The following GAS2L3 variants were observed in gnomAD, a reference collection of about 807,000 sequenced individuals.
GAS2L3 encodes the protein GAS2-like protein 3.
In GAS2L3, 28 loss-of-function variants were observed where a neutral mutation model predicts 37.0. The observed-to-expected ratio is 0.76, with a 90% confidence interval of 0.56 to 1.04. The LOEUF is 1.04. Among genes scored for constraint, GAS2L3 ranks in the 50% least tolerant of loss-of-function variants. GAS2L3 has a pLI of 0.00. For missense variants in GAS2L3, 793 were observed against 817.6 expected, an observed-to-expected ratio of 0.97 and a Z score of 0.37; for synonymous variants, 290 against 296.6, an observed-to-expected ratio of 0.98 and a Z score of 0.23.
rs367687669 is a variant in GAS2L3, at chr12:100,622,393, T to A, written c.756+11T>A. On this transcript the variant is annotated intron_variant, in intron 9 of 9. Transcript: ENST00000547754. ...ATACTCTTTATAAGAGTAAGTCCAT[T>A]ATTTACACTTTATTTACACATAAAT... is the stretch of plus-strand genomic sequence containing the variant. The A allele has an allele frequency of 2.4e-6, 3 of 1,250,810 alleles. No individual in the cohort carries two copies. Among genetic ancestry groups the A allele is most frequent in the Middle Eastern group, 1.9e-4 (1 of 5,160 alleles). 77.5% of individuals were successfully genotyped at this position (1,250,810 alleles called of 1,614,324 possible). A position where few individuals can be genotyped will look rare whatever the true frequency, so the allele number is the denominator to read the frequency against.
In GAS2L3 at chr12:100,623,807, C is replaced by G; in HGVS notation, c.1002C>G (p.Ser334Arg). 2 of 1,614,006 alleles carry G rather than the reference C, an allele frequency of 1.2e-6. No individual in the cohort carries two copies. The highest frequency in any genetic ancestry group is 1.7e-6 in the Non-Finnish European group (2 of 1,179,964). ...NMFQKQNSKP[S>R]VPVSIPKSKE... ...TTCAGAAACAAAATTCAAAACCCAG[C>G]GTGCCAGTTAGTATTCCAAAAAGCA... The change falls in exon 10 of 10, where the codon AGC (serine) becomes AGG (arginine). Residue 334 changes from serine (S) to arginine (R), a missense_variant. Ser to Arg is a moderately radical substitution (Grantham distance 110, BLOSUM62 -1). Coordinates refer to ENST00000547754, the MANE Select transcript of GAS2L3 (RefSeq NM_174942.3).
rs182590738 is a variant in GAS2L3 at position 100,599,122 on chromosome 12, C to T, written c.19-1260C>T. Among the ~76,000 whole-genome samples, 4 of 152,260 alleles carry T rather than the reference C, an allele frequency of 2.6e-5. No homozygotes were observed. In the East Asian group the frequency reaches 7.7e-4, roughly 29 times the overall value. ...TGCTCTGACTCTCCATTCCAAGCCACCCCACTCTTGGAATCTCCTATGCGT... is the reference window on the plus strand; with the variant it reads ...TGCTCTGACTCTCCATTCCAAGCCATCCCACTCTTGGAATCTCCTATGCGT... On this transcript the variant is annotated intron_variant, in intron 3 of 9. Coordinates refer to ENST00000547754, the MANE Select transcript of GAS2L3 (RefSeq NM_174942.3).
rs1211052731 is a variant in GAS2L3 at position 100,628,029 on chromosome 12, A to G, written c.*3139A>G. 6.6e-6 allele frequency: 1 copy of G among 152,102 alleles called. No homozygotes were observed. Among genetic ancestry groups the G allele is most frequent in the Non-Finnish European group, 1.5e-5 (1 of 68,012 alleles). 9.4% of individuals were successfully genotyped at this position (152,102 alleles called of 1,614,324 possible). ...ACCTCTAACTTTACTGTCCATATGGAGTTTGTCATTCTTTATGGATAAGAG... is the reference window on the plus strand; with the variant it reads ...ACCTCTAACTTTACTGTCCATATGGGGTTTGTCATTCTTTATGGATAAGAG... On this transcript the variant is annotated 3_prime_UTR_variant, in exon 10 of 10. Coordinates refer to ENST00000547754, the MANE Select transcript of GAS2L3 (RefSeq NM_174942.3).
At position 100,618,464 on chromosome 12, in the gene GAS2L3, A is replaced by T; in HGVS notation, c.525A>T (p.Pro175=). 1 of 1,610,416 alleles carries T rather than the reference A, an allele frequency of 6.2e-7. No homozygotes were observed. The change falls in exon 8 of 10, where the codon CCA becomes CCT. Residue 175 remains proline (P), a synonymous_variant. Coordinates refer to ENST00000547754, the MANE Select transcript of GAS2L3 (RefSeq NM_174942.3). ...GRIVSRYGVE[P]PVLVKLEKEI... is the part of the protein sequence containing the mutation. The stretch of plus-strand genomic sequence containing the variant: ...TGGTTTTCAGATACGGGGTTGAGCC[A>T]CCAGTGTTAGTAAAACTTGAGAAAG...
chr12:100,595,317 T>C (rs551058767), intron 3 of GAS2L3, among the ~76,000 whole-genome samples: 2 of 151,948 alleles, frequency 1.3e-5, no homozygotes, highest in African/African-American at 2.4e-5. Flanking sequence ...AAAACAAATA[T>C]ATGTTTTTAA....
At chr12:100,583,046 C>G (rs1455930862) in intron 1 of GAS2L3, among the ~76,000 whole-genome samples, 1 of 152,104 alleles carries the variant, frequency 6.6e-6, no homozygotes, top group Non-Finnish European at 1.5e-5. Context: ...TTCTTTACCC[C>G]CAAGAGAGGG....
Position 100,624,421 on chromosome 12 carries a change from C to T in GAS2L3, c.1616C>T (p.Pro539Leu), listed in dbSNP as rs1228596591. The T allele has an allele frequency of 6.2e-7, 1 of 1,613,868 alleles. No homozygotes were observed. The highest frequency in any genetic ancestry group is 1.3e-5 in the African/African-American group (1 of 74,900). Residue 539 changes from proline (P) to leucine (L), a missense_variant, in exon 10 of 10, where the codon CCA becomes CTA. Transcript: ENST00000547754. ...IATGLGTQSQPSDGAPQAKPV... is the reference protein window; with the variant it reads ...IATGLGTQSQLSDGAPQAKPV... ...ACGGGTCTAGGAACACAGTCTCAACCATCCGATGGAGCCCCACAAGCAAAG... is the reference window on the plus strand; with the variant it reads ...ACGGGTCTAGGAACACAGTCTCAACTATCCGATGGAGCCCCACAAGCAAAG...
chr12:100,623,472 C>T (rs1379152344), intron 9 of GAS2L3, 90 bp from the exon 10 acceptor site: 1 of 1,179,382 alleles, frequency 8.5e-7, no homozygotes, highest in African/African-American at 1.5e-5. Context: ...TTTTATAGAT[C>T]ACAGACATCA....
chr12:100,585,820 A>G (rs1955774181), intron 1 of GAS2L3, among the ~76,000 whole-genome samples: 1 of 151,986 alleles, frequency 6.6e-6, no homozygotes, highest in African/African-American at 2.4e-5. Flanking sequence ...ATTGTTTGTC[A>G]CTGAACTACT....
At position 100,612,053 on chromosome 12, in the gene GAS2L3, C is replaced by T. The variant is rs752856856; in HGVS notation, c.357C>T (p.Phe119=). ...PCKKDAASGS[F]FARDNTANFL... is the part of the protein sequence containing the mutation. The stretch of plus-strand genomic sequence containing the variant: ...AGAAAGATGCTGCATCAGGTTCATT[C>T]TTTGCTCGGGACAATACCGCAAACT... The change falls in exon 6 of 10, where the codon TTC becomes TTT. Residue 119 remains phenylalanine (F), a synonymous_variant. Transcript: ENST00000547754. The T allele has an allele frequency of 6.8e-6, 11 of 1,611,294 alleles. No homozygotes were observed. The South Asian group carries it at 1.1e-4, about 16-fold the overall frequency.
At chr12:100,578,458 C>A (rs1025834691) in intron 1 of GAS2L3, 2 of 155,926 alleles carry the variant, frequency 1.3e-5, no homozygotes, top group African/African-American at 2.4e-5. Flanking sequence ...GTAGGTTTAA[C>A]CTATCAGTTT....
Position 100,627,841 on chromosome 12 carries a change from C to CA in GAS2L3, c.*2958dup, listed in dbSNP as rs1565818722. On this transcript the variant is annotated 3_prime_UTR_variant, in exon 10 of 10. Coordinates refer to ENST00000547754, the MANE Select transcript of GAS2L3 (RefSeq NM_174942.3). ...TGGGAGAAGTAATGATGTGTACTTTCAAAAAAATGGAAAATGCTTTTATTT... is the reference window on the plus strand; with the variant it reads ...TGGGAGAAGTAATGATGTGTACTTTCAAAAAAAATGGAAAATGCTTTTATTT... 6.6e-6 allele frequency: 1 copy of CA among 151,884 alleles called. No homozygotes were observed. The highest frequency in any genetic ancestry group is 1.5e-5 in the Non-Finnish European group (1 of 67,960). The allele number at this position is 151,884 out of a possible 1,614,324, so 9.4% of individuals were successfully genotyped here.
chr12:100,582,184 G>A (rs768360751), intron 1 of GAS2L3, among the ~76,000 whole-genome samples: 4 of 152,194 alleles, frequency 2.6e-5, no homozygotes, highest in East Asian at 1.9e-4. Flanking sequence ...GGAAAATTAC[G>A]TCGAAGGTGG....
At chr12:100,616,778 C>T (rs1455326626) in intron 6 of GAS2L3, among the ~76,000 whole-genome samples, 1 of 152,008 alleles carries the variant, frequency 6.6e-6, no homozygotes, top group African/African-American at 2.4e-5. Flanking sequence ...GGTAGTTTTC[C>T]TTCTTCCTTT....
At chr12:100,579,219 T>A (rs142450885) in intron 1 of GAS2L3, 1 of 617,414 alleles carries the variant, frequency 1.6e-6, no homozygotes, top group African/African-American at 1.8e-5. Context: ...CTTTCTGGAT[T>A]TGCTAAGGTC....
At chr12:100,599,170 T>C (rs1223997411) in intron 3 of GAS2L3, among the ~76,000 whole-genome samples, 1 of 152,204 alleles carries the variant, frequency 6.6e-6, no homozygotes. Context: ...CTAATATTCC[T>C]TTCTAAGTTG....
Position 100,611,907 on chromosome 12 carries a change from G to A in GAS2L3, c.304-93G>A, listed in dbSNP as rs1001702999. The A allele has an allele frequency of 6.0e-6, 5 of 827,186 alleles. No homozygotes were observed. The Admixed American group carries it at 6.7e-5, about 11-fold the overall frequency. The allele number at this position is 827,186 out of a possible 1,614,324, so 51.2% of individuals were successfully genotyped here. A position where few individuals can be genotyped will look rare whatever the true frequency, so the allele number is the denominator to read the frequency against. Reference sequence around the variant, plus strand: ...AATTGTGTACTTTTTGGTTACAGGTGATGGATTGAACATTTATTTAGCAAT... The same window carrying A: ...AATTGTGTACTTTTTGGTTACAGGTAATGGATTGAACATTTATTTAGCAAT... On this transcript the variant is annotated intron_variant, in intron 5 of 9. Coordinates refer to ENST00000547754, the MANE Select transcript of GAS2L3 (RefSeq NM_174942.3).
intron 5 of GAS2L3, among the ~76,000 whole-genome samples, chr12:100,604,474 G>GGTT (rs757861433): frequency 2.3e-5 from 3 of 129,304 alleles, no homozygotes; most frequent in African/African-American, 8.5e-5. Context: ...AGCTGTAGTT[G>GGTT]TTTTTTTTTT....
intron 1 of GAS2L3, chr12:100,580,273 G>A: frequency 2.3e-6 from 1 of 434,458 alleles, no homozygotes; most frequent in Non-Finnish European, 4.2e-6. Flanking sequence ...CTGCTTTTTG[G>A]GGGCTTGTGT....
Sources: allele counts gnomAD v4.1 joint callset (sites outside exome capture counted in the v4.1 genomes callset), GRCh38; gene constraint gnomAD v4.1.1; transcripts MANE v1.5; gene names NCBI Gene and HGNC (gene_info 2026-07-23, HGNC 2026-07-21).